NBEA: variants seen among roughly 807,000 people sequenced by gnomAD.
NBEA encodes lysosomal-trafficking regulator 2.
In NBEA, 44 loss-of-function variants were observed where a neutral mutation model predicts 343.4. The observed-to-expected ratio is 0.13, with a 90% CI of 0.10 to 0.16. The LOEUF is 0.16. NBEA is among the 10% of genes least tolerant of loss of function. The pLI is 1.00. For missense variants in NBEA, 2,555 were observed against 3,631.3 expected (o/e 0.70, Z 7.62); for synonymous variants, 1,175 against 1,238.7 (o/e 0.95, Z 1.08).
At chr13:35,172,533 A>T (rs899875091) in intron 26 of NBEA, among the ~76,000 whole-genome samples, 2 of 152,034 alleles carry the variant, frequency 1.3e-5, no homozygotes, top group Non-Finnish European at 2.9e-5. Flanking sequence ...TTATTTTTAA[A>T]TATAGTCCAA....
intron 1 of NBEA, among the ~76,000 whole-genome samples, chr13:35,040,685 C>T (rs1197523103): frequency 2.0e-5 from 3 of 152,000 alleles, no homozygotes; most frequent in Non-Finnish European, 4.4e-5. Flanking sequence ...CTGTAGTTTG[C>T]TCTATTTTAC....
At chr13:34,997,734 C>T (rs2060986520) in intron 1 of NBEA, among the ~76,000 whole-genome samples, 1 of 152,156 alleles carries the variant, frequency 6.6e-6, no homozygotes, top group South Asian at 2.1e-4. Flanking sequence ...AACTATGAAG[C>T]TAGTATTCCA....
intron 47 of NBEA, among the ~76,000 whole-genome samples, chr13:35,599,567 T>G (rs2081961105): frequency 6.6e-6 from 1 of 152,224 alleles, no homozygotes; most frequent in Admixed American, 6.5e-5. Flanking sequence ...TTGCATGTGG[T>G]AACTGGCTTC....
intron 49 of NBEA, among the ~76,000 whole-genome samples, chr13:35,629,373 A>G (rs2083359819): frequency 6.6e-6 from 1 of 152,224 alleles, no homozygotes; most frequent in Non-Finnish European, 1.5e-5. Context: ...AAAAATTTGC[A>G]TTCATAAGTT....
chr13:35,044,859 T>A, intron 2 of NBEA, 88 bp from the exon 3 acceptor site: 5 of 781,348 alleles, frequency 6.4e-6, no homozygotes, highest in Non-Finnish European at 8.1e-6. Flanking sequence ...GAGATAACAA[T>A]GATAACTTTT....
At chr13:34,946,897 G>T (rs1566078677) in intron 1 of NBEA, among the ~76,000 whole-genome samples, 2 of 148,444 alleles carry the variant, frequency 1.3e-5, no homozygotes, top group African/African-American at 4.9e-5. Context: ...CTTCCTTAGA[G>T]TTTTTTTAAA....
chr13:35,350,832 G>A (rs543078891), intron 37 of NBEA, among the ~76,000 whole-genome samples: 1 of 149,408 alleles, frequency 6.7e-6, no homozygotes, highest in Admixed American at 6.7e-5. Flanking sequence ...ATGACATTTT[G>A]CTAGAACTTT....
At chr13:35,571,209 A>G (rs561830557) in intron 45 of NBEA, among the ~76,000 whole-genome samples, 90 of 152,304 alleles carry the variant, frequency 5.9e-4, no homozygotes, top group African/African-American at 1.7e-3. Context: ...TATGAAATGT[A>G]CAATGCCAAA....
rs12164857 is a variant in NBEA, at chr13:35,308,470, A to G, written c.5839-1058A>G. ...TATATATATATATATATATATATAT[A>G]TATGTATATATATATGTGTATATAT... On this transcript the variant is annotated intron_variant, in intron 35 of 58. Coordinates refer to ENST00000379939, the MANE Select transcript of NBEA (RefSeq NM_001385012.1). Among the ~76,000 whole-genome samples, 398 of 103,096 alleles carry G rather than the reference A, an allele frequency of 3.9e-3. 9 individuals carry two copies. The highest frequency in any genetic ancestry group is 0.013 in the African/African-American group (346 of 25,750). The allele number at this position is 103,096 out of a possible 152,430, so 67.6% of individuals were successfully genotyped here. A position where few individuals can be genotyped will look rare whatever the true frequency, so the allele number is the denominator to read the frequency against.
chr13:35,090,199 A>G (rs2065011667), intron 10 of NBEA, among the ~76,000 whole-genome samples: 1 of 151,858 alleles, frequency 6.6e-6, no homozygotes, highest in African/African-American at 2.4e-5. Context: ...AATCAAATAT[A>G]GTTTCTTCAG....
intron 48 of NBEA, among the ~76,000 whole-genome samples, chr13:35,626,369 A>G (rs1566427983): frequency 1.3e-5 from 2 of 152,210 alleles, no homozygotes; most frequent in African/African-American, 4.8e-5. Flanking sequence ...CATCATTCCC[A>G]CTACCACTCA....
At chr13:35,494,577 T>G (rs1280488197) in intron 41 of NBEA, among the ~76,000 whole-genome samples, 2 of 150,474 alleles carry the variant, frequency 1.3e-5, no homozygotes, top group Non-Finnish European at 3.0e-5. Flanking sequence ...AAAAAACAAG[T>G]GAAGGAATGG....
chr13:35,282,137 A>C lies in NBEA; in HGVS notation c.5777-8252A>C, dbSNP rs553377132. ...GTTTCACCGTGTTAGCCAGGATGAT[A>C]TCCTGACCTTGTGATCTGCCCACCT... On this transcript the variant is annotated intron_variant, in intron 34 of 58. Coordinates refer to ENST00000379939, the MANE Select transcript of NBEA (RefSeq NM_001385012.1). 1.5e-3 allele frequency among the ~76,000 whole-genome samples: 223 copies of C among 151,388 alleles called. 1 individual carries two copies. The highest frequency in any genetic ancestry group is 5.3e-3 in the African/African-American group (218 of 41,318).
intron 10 of NBEA, among the ~76,000 whole-genome samples, chr13:35,084,312 C>T (rs1388721021): frequency 6.6e-6 from 1 of 152,098 alleles, no homozygotes; most frequent in Non-Finnish European, 1.5e-5. Flanking sequence ...CCAAAATTGA[C>T]CACATAGTTG....
At chr13:35,449,905 T>C (rs1454955326) in intron 39 of NBEA, among the ~76,000 whole-genome samples, 3 of 152,188 alleles carry the variant, frequency 2.0e-5, no homozygotes, top group East Asian at 1.9e-4. Flanking sequence ...AAGGTACGCA[T>C]TAACCATGTG....
chr13:35,373,707 A>AAATAAG (rs143241808), intron 38 of NBEA, among the ~76,000 whole-genome samples: 1 of 149,722 alleles, frequency 6.7e-6, no homozygotes, highest in African/African-American at 2.5e-5. Context: ...ACTGTCTCAA[A>AAATAAG]AATAATAATA....
intron 48 of NBEA, among the ~76,000 whole-genome samples, chr13:35,621,025 T>C (rs1416276012): frequency 1.3e-5 from 2 of 152,112 alleles, no homozygotes; most frequent in Non-Finnish European, 2.9e-5. Flanking sequence ...TAGCAGAAAT[T>C]CTAAGCAGCG....
At position 34,979,879 on chromosome 13, in the gene NBEA, A is replaced by G. The variant is rs1456653620; in HGVS notation, c.294+36765A>G. Among the ~76,000 whole-genome samples, 5 of 152,160 alleles carry G rather than the reference A, an allele frequency of 3.3e-5. No homozygotes were observed. The East Asian group carries it at 9.6e-4, about 29-fold the overall frequency. The stretch of plus-strand genomic sequence containing the variant: ...CATGTCTGTTATCTATATGAAATTA[A>G]TTTTTGTGTCTGGTGAGATAAGGGT... On this transcript the variant is annotated intron_variant, in intron 1 of 58. Coordinates refer to ENST00000379939, the MANE Select transcript of NBEA (RefSeq NM_001385012.1).
intron 38 of NBEA, among the ~76,000 whole-genome samples, chr13:35,369,598 T>C (rs2152882057): frequency 6.6e-6 from 1 of 152,064 alleles, no homozygotes; most frequent in East Asian, 1.9e-4. Context: ...TAGAGGTTGT[T>C]CACCTCTTTG....
Sources: allele counts gnomAD v4.1 joint callset (sites outside exome capture counted in the v4.1 genomes callset), GRCh38; gene constraint gnomAD v4.1.1; transcripts MANE v1.5; gene names NCBI Gene and HGNC (gene_info 2026-07-23, HGNC 2026-07-21).